FMN1: variants seen among roughly 807,000 people sequenced by gnomAD.
FMN1 encodes formin-1.
In FMN1, 110 loss-of-function variants were observed where a neutral mutation model predicts 132.4. The ratio of observed to expected loss-of-function variants is 0.83; its 90% CI spans 0.71 to 0.97. The LOEUF is 0.97. Ranked by LOEUF, FMN1 falls within the 50% of genes least tolerant of loss-of-function variation. The probability of loss-of-function intolerance (pLI) is 0.00; values close to 1 mark genes in which losing one functional copy is unlikely to be tolerated. For missense variants in FMN1, 1,792 were observed against 1,705.3 expected (o/e 1.05, Z -0.90); for synonymous variants, 722 against 651.7 (o/e 1.11, Z -1.64).
intron 7 of FMN1, among the ~76,000 whole-genome samples, chr15:32,977,355 A>C (rs2032293788): frequency 6.6e-6 from 1 of 152,194 alleles, no homozygotes; most frequent in African/African-American, 2.4e-5. Context: ...CCAATACACA[A>C]AAAAAGATAC....
At chr15:32,937,022 C>G (rs1406289226) in intron 9 of FMN1, among the ~76,000 whole-genome samples, 3 of 152,144 alleles carry the variant, frequency 2.0e-5, no homozygotes, top group African/African-American at 4.8e-5. Context: ...TTGGGCGGCC[C>G]TCTGAAAAGC....
intron 4 of FMN1, among the ~76,000 whole-genome samples, chr15:33,122,207 CTA>C (rs1962629820): frequency 6.6e-6 from 1 of 152,202 alleles, no homozygotes. Context: ...AAACTCTGAC[CTA>C]TAGTCACCAA....
intron 4 of FMN1, among the ~76,000 whole-genome samples, chr15:33,093,212 C>T (rs1170492554): frequency 6.6e-6 from 1 of 152,124 alleles, no homozygotes; most frequent in East Asian, 1.9e-4. Context: ...AAACAAAAAC[C>T]CTAAGCTTAA....
At chr15:33,141,711 G>A (rs1044035903) in intron 4 of FMN1, among the ~76,000 whole-genome samples, 1 of 152,134 alleles carries the variant, frequency 6.6e-6, no homozygotes, top group African/African-American at 2.4e-5. Context: ...TCAGGCCTGC[G>A]CTTGAGAAGA....
chr15:32,842,970 AC>A (rs1045903279), intron 17 of FMN1, among the ~76,000 whole-genome samples: 84 of 152,124 alleles, frequency 5.5e-4, no homozygotes, highest in African/African-American at 1.9e-3. Flanking sequence ...TACTAAAAAT[AC>A]AAGAAATTAG....
intron 4 of FMN1, among the ~76,000 whole-genome samples, chr15:33,102,976 ATTT>A (rs985232241): frequency 6.6e-6 from 1 of 151,904 alleles, no homozygotes; most frequent in Non-Finnish European, 1.5e-5. Flanking sequence ...TCTTTAATTT[ATTT>A]TTTATTTGTC....
In FMN1 at chr15:33,069,993, C is replaced by CTCTTTTTTTTTTTT. The variant is rs398026774; in HGVS notation, c.2044-4920_2044-4919insAAAAAAAAAAAAGA. ...AACAGATCATAAGATCAGTCTTTCT[C>CTCTTTTTTTTTTTT]TTTTTTTTTTTTTTTTTTTTTTTTT... On this transcript the variant is annotated intron_variant, in intron 5 of 20. Transcript: ENST00000616417. 1.2e-4 allele frequency among the ~76,000 whole-genome samples: 9 copies of CTCTTTTTTTTTTTT among 74,326 alleles called. 1 individual carries two copies. The highest frequency in any genetic ancestry group is 2.1e-4 in the African/African-American group (4 of 19,050). 48.8% of individuals were successfully genotyped at this position (74,326 alleles called of 152,430 possible).
At chr15:33,135,725 A>G (rs1963736885) in intron 4 of FMN1, among the ~76,000 whole-genome samples, 1 of 152,216 alleles carries the variant, frequency 6.6e-6, no homozygotes, top group Non-Finnish European at 1.5e-5. Flanking sequence ...AGGTTATGCA[A>G]TGTTCTTAAA....
rs185141517 is a variant in FMN1, at chr15:32,806,204, G to A, written c.3929-1872C>T. 9.2e-5 allele frequency among the ~76,000 whole-genome samples: 14 copies of A among 152,232 alleles called. No individual in the cohort carries two copies. In the East Asian group the frequency reaches 2.5e-3, roughly 27 times the overall value. ...AAATGAACGAAAATAAGTAAGTCTC[G>A]TATCTAGGATCTATGCTGTGATACT... On this transcript the variant is annotated intron_variant, in intron 17 of 20. Transcript: ENST00000616417.
At chr15:33,127,809 A>G (rs975879746) in intron 4 of FMN1, among the ~76,000 whole-genome samples, 2 of 152,202 alleles carry the variant, frequency 1.3e-5, no homozygotes, top group African/African-American at 4.8e-5. Flanking sequence ...CACATCCAAG[A>G]TCTCATTCCT....
chr15:33,067,336 G>A, intron 5 of FMN1: 1 of 1,613,936 alleles, frequency 6.2e-7, no homozygotes, highest in Non-Finnish European at 8.5e-7. Flanking sequence ...AACCTCCTGG[G>A]TTTTCTTTGG....
intron 5 of FMN1, among the ~76,000 whole-genome samples, chr15:33,073,626 T>G (rs1331361748): frequency 6.6e-6 from 1 of 151,768 alleles, no homozygotes; most frequent in African/African-American, 2.4e-5. Context: ...GTCTGTAAAA[T>G]GAGGGGTCAT....
chr15:32,804,378 C>T (rs757824830), intron 17 of FMN1, 46 bp from the exon 18 acceptor site: 1 of 1,162,504 alleles, frequency 8.6e-7, no homozygotes, highest in Non-Finnish European at 1.2e-6. Context: ...TCTGTTGTCT[C>T]CTTTGCGTAA....
intron 10 of FMN1, among the ~76,000 whole-genome samples, chr15:32,914,448 GACTT>G (rs1213896785): frequency 6.6e-6 from 1 of 152,168 alleles, no homozygotes; most frequent in African/African-American, 2.4e-5. Flanking sequence ...TTTGAAGAGA[GACTT>G]AATTAAAGGG....
At chr15:32,840,125 G>A (rs535276140) in intron 17 of FMN1, among the ~76,000 whole-genome samples, 4 of 152,320 alleles carry the variant, frequency 2.6e-5, no homozygotes, top group South Asian at 2.1e-4. Context: ...GTCTGTGGGC[G>A]AAACTCAGCA....
At chr15:32,783,012 CAGTG>C (rs1403401330) in intron 19 of FMN1, among the ~76,000 whole-genome samples, 3 of 151,824 alleles carry the variant, frequency 2.0e-5, no homozygotes, top group Non-Finnish European at 4.4e-5. Flanking sequence ...GTGGGGAAGA[CAGTG>C]AGGGTCAACA....
At chr15:33,184,031 G>A (rs1965794535) in intron 2 of FMN1, among the ~76,000 whole-genome samples, 1 of 152,010 alleles carries the variant, frequency 6.6e-6, no homozygotes, top group Non-Finnish European at 1.5e-5. Context: ...AAACTTATTG[G>A]TTTCACCATT....
chr15:32,960,743 C>G (rs550378318), intron 9 of FMN1, among the ~76,000 whole-genome samples: 1 of 151,982 alleles, frequency 6.6e-6, no homozygotes, highest in Admixed American at 6.6e-5. Context: ...CGCCTGTAAT[C>G]CCAGCATTTT....
chr15:32,935,299 T>A (rs2061237700), intron 9 of FMN1, among the ~76,000 whole-genome samples: 1 of 152,218 alleles, frequency 6.6e-6, no homozygotes, highest in Admixed American at 6.5e-5. Context: ...CCTATATCCT[T>A]CTGGTCTGCA....
Sources: gnomAD v4.1 joint callset for allele counts (sites outside exome capture counted in the v4.1 genomes callset) on GRCh38, gnomAD v4.1.1 for gene constraint, MANE v1.5 for transcripts, NCBI Gene and HGNC (gene_info 2026-07-23, HGNC 2026-07-21) for gene names.